The following DCUN1D4 variants were observed in gnomAD, a reference collection of about 807,000 sequenced individuals.
DCUN1D4 encodes DCN1-like protein 4.
Under a neutral mutation model 47.9 loss-of-function variants are expected in DCUN1D4, and 22 were observed. That is an observed-to-expected ratio of 0.46 (90% CI 0.33 to 0.66). The LOEUF is 0.66. Among genes scored for constraint, DCUN1D4 ranks in the 30% least tolerant of loss-of-function variants. The pLI, the probability that DCUN1D4 is intolerant of heterozygous loss-of-function variation, is 0.02. For synonymous variants in DCUN1D4, 121 were observed against 112.2 expected, an observed-to-expected ratio of 1.08 and a Z score of -0.50; for missense variants, 301 against 340.8, an observed-to-expected ratio of 0.88 and a Z score of 0.92.
At chr4:51,845,226 T>C (rs747399566) in intron 1 of DCUN1D4, 2 of 985,426 alleles carry the variant, frequency 2.0e-6, no homozygotes, top group Non-Finnish European at 2.4e-6. Flanking sequence ...CTTGCATAAA[T>C]ATGAGAACAC....
At chr4:51,899,507 G>C (rs1311410844) in intron 8 of DCUN1D4, 129 bp downstream of exon 8, 6 of 1,465,256 alleles carry the variant, frequency 4.1e-6, no homozygotes, top group Middle Eastern at 3.5e-4. Context: ...ATGCTAGTTA[G>C]TATTTCTTTC....
chr4:51,839,352 G>A (rs752748881), upstream of DCUN1D4, among the ~76,000 whole-genome samples: 25 of 152,162 alleles, frequency 1.6e-4, no homozygotes, highest in Non-Finnish European at 3.1e-4. Context: ...GCAAGTTACC[G>A]AAGCTCTTGA....
intron 6 of DCUN1D4, chr4:51,887,141 G>A (rs996041004): frequency 2.4e-5 from 11 of 449,366 alleles, no homozygotes; most frequent in East Asian, 7.1e-5. Flanking sequence ...TCGCACTGTC[G>A]CCAGGCTGGA....
intron 6 of DCUN1D4, chr4:51,886,921 A>ATGTGCC (rs1729574641): frequency 2.3e-6 from 1 of 430,808 alleles, no homozygotes; most frequent in South Asian, 2.1e-5. Flanking sequence ...ATGTGCCTAC[A>ATGTGCC]ATGACGGATC....
At chr4:51,885,875 G>A (rs575469723) in intron 5 of DCUN1D4, among the ~76,000 whole-genome samples, 1 of 152,312 alleles carries the variant, frequency 6.6e-6, no homozygotes, top group East Asian at 1.9e-4. Flanking sequence ...AACTGCTTCA[G>A]ATTTTCAGAT....
At chr4:51,856,304 A>G (rs1724130337) in intron 1 of DCUN1D4, among the ~76,000 whole-genome samples, 1 of 152,216 alleles carries the variant, frequency 6.6e-6, no homozygotes, top group African/African-American at 2.4e-5. Context: ...GTTCAGCTGT[A>G]GTTTAATAAT....
intron 1 of DCUN1D4, among the ~76,000 whole-genome samples, chr4:51,857,595 T>C (rs1272372043): frequency 6.6e-6 from 1 of 152,246 alleles, no homozygotes; most frequent in Non-Finnish European, 1.5e-5. Flanking sequence ...CATGTAAGAC[T>C]GTCATATTAT....
chr4:51,895,830 C>T (rs975844606), intron 7 of DCUN1D4, among the ~76,000 whole-genome samples: 4 of 152,196 alleles, frequency 2.6e-5, no homozygotes, highest in Non-Finnish European at 5.9e-5. Flanking sequence ...AAGCGTGGCA[C>T]TGTCACTGTG....
chr4:51,868,438 C>T (rs1268607971), intron 3 of DCUN1D4, among the ~76,000 whole-genome samples: 1 of 152,184 alleles, frequency 6.6e-6, no homozygotes, highest in East Asian at 1.9e-4. Context: ...TTGTAAGTGC[C>T]CAGTCAATGT....
chr4:51,902,597 C>CT, intron 8 of DCUN1D4, among the ~76,000 whole-genome samples: 1 of 152,230 alleles, frequency 6.6e-6, no homozygotes, highest in South Asian at 2.1e-4. Context: ...CATGCTATAT[C>CT]TTTTTTAAAT....
chr4:51,860,704 A>G (rs1178310842), intron 1 of DCUN1D4: 1 of 451,076 alleles, frequency 2.2e-6, no homozygotes, highest in Non-Finnish European at 4.4e-6. Context: ...ACTGAACCCC[A>G]TAAGAACTCA....
At chr4:51,896,843 G>A (rs1357167649) in intron 7 of DCUN1D4, among the ~76,000 whole-genome samples, 1 of 152,076 alleles carries the variant, frequency 6.6e-6, no homozygotes, top group Non-Finnish European at 1.5e-5. Flanking sequence ...TCTCATAGTG[G>A]CAGGTGGCCT....
rs561670533 is a variant in DCUN1D4, at chr4:51,848,726, A to T, written c.25+5459A>T. Among the ~76,000 whole-genome samples, 3 of 152,332 alleles carry T rather than the reference A, an allele frequency of 2.0e-5. No homozygotes were observed. In the South Asian group the frequency reaches 6.2e-4, roughly 32 times the overall value. On this transcript the variant is annotated intron_variant, in intron 1 of 10. Coordinates refer to ENST00000334635, the MANE Select transcript of DCUN1D4 (RefSeq NM_001040402.3). ...TCTAAATAGAATTAGGTATTTTAAC[A>T]ATCATTGTGTGACAGTTTTAGATGT...
chr4:51,835,620 G>T, the DCUN1D4 span, among the ~76,000 whole-genome samples: 1 of 152,126 alleles, frequency 6.6e-6, no homozygotes, highest in African/African-American at 2.4e-5. Flanking sequence ...GGACTTGTAG[G>T]CTAAGACTAG....
intron 8 of DCUN1D4, among the ~76,000 whole-genome samples, chr4:51,904,230 A>G (rs1226652875): frequency 6.6e-6 from 1 of 152,066 alleles, no homozygotes; most frequent in African/African-American, 2.4e-5. Flanking sequence ...CTACTAAGGC[A>G]ATATTTTTTT....
intron 8 of DCUN1D4, among the ~76,000 whole-genome samples, chr4:51,903,335 G>T (rs1298011340): frequency 6.6e-6 from 1 of 152,088 alleles, no homozygotes; most frequent in Non-Finnish European, 1.5e-5. Context: ...TAATGTCTCT[G>T]CATTGTCTTT....
intron 3 of DCUN1D4, among the ~76,000 whole-genome samples, chr4:51,865,757 A>G (rs777326742): frequency 6.6e-6 from 1 of 152,184 alleles, no homozygotes; most frequent in Non-Finnish European, 1.5e-5. Context: ...GTTCAGAATC[A>G]ATTGAAAATT....
intron 1 of DCUN1D4, 160 bp downstream of exon 1, chr4:51,843,427 A>ACGCTGCGGGCGGCGT (rs1721908497): frequency 3.3e-6 from 4 of 1,201,470 alleles, no homozygotes; most frequent in Non-Finnish European, 1.1e-6. Flanking sequence ...GCGGGCGGTG[A>ACGCTGCGGGCGGCGT]CGCTGCGGGC....
chr4:51,860,483 A>G (rs1257262040), intron 1 of DCUN1D4: 1 of 427,842 alleles, frequency 2.3e-6, no homozygotes, highest in Admixed American at 2.6e-5. Flanking sequence ...CTATAAAGAA[A>G]TACCTGAGAC....
Sources: allele counts gnomAD v4.1 joint callset (sites outside exome capture counted in the v4.1 genomes callset), GRCh38; gene constraint gnomAD v4.1.1; transcripts MANE v1.5; gene names NCBI Gene and HGNC (gene_info 2026-07-23, HGNC 2026-07-21).